TENT4A: variants seen among roughly 807,000 people sequenced by gnomAD.
TENT4A encodes terminal nucleotidyltransferase 4A, also known as DNA polymerase kappa.
In TENT4A, 7 loss-of-function variants were observed where a neutral mutation model predicts 72.8. That is an observed-to-expected ratio of 0.10 (90% CI 0.05 to 0.18). The LOEUF is 0.18. TENT4A is among the 10% of genes least tolerant of loss of function. The pLI is 1.00. For missense variants in TENT4A, 831 were observed against 1,017.7 expected (o/e 0.82, Z 2.50); for synonymous variants, 456 against 434.3 (o/e 1.05, Z -0.62).
rs1251975495 is a variant in TENT4A at position 6,756,755 on chromosome 5, A to G, written c.*1810A>G. On this transcript the variant is annotated 3_prime_UTR_variant, in exon 13 of 13. Coordinates refer to ENST00000230859, the MANE Select transcript of TENT4A (RefSeq NM_006999.6). ...CTGTACTAATCTCTACGCATTAGCA[A>G]TATTGACTGTAAACCCACATTAAGG... 1.3e-5 allele frequency: 2 copies of G among 152,794 alleles called. No homozygotes were observed. Among genetic ancestry groups the G allele is most frequent in the East Asian group, 3.9e-4 (2 of 5,192 alleles). The allele number at this position is 152,794 out of a possible 1,614,324, so 9.5% of individuals were successfully genotyped here. A position where few individuals can be genotyped will look rare whatever the true frequency, so the allele number is the denominator to read the frequency against.
intron 1 of TENT4A, among the ~76,000 whole-genome samples, chr5:6,731,022 G>A (rs906605952): frequency 1.3e-5 from 2 of 152,198 alleles, no homozygotes; most frequent in African/African-American, 4.8e-5. Context: ...GACCCTATCA[G>A]TGCGATGTAG....
At chr5:6,716,522 G>A (rs1740396732) in intron 1 of TENT4A, among the ~76,000 whole-genome samples, 1 of 152,214 alleles carries the variant, frequency 6.6e-6, no homozygotes, top group Admixed American at 6.5e-5. Context: ...TGCCTTTGAT[G>A]CACTCTGGTC....
chr5:6,738,829 C>G, intron 3 of TENT4A, 100 bp downstream of exon 3: 1 of 853,654 alleles, frequency 1.2e-6, no homozygotes, highest in South Asian at 1.5e-5. Context: ...GAGTCTAAGG[C>G]GAGAAATGCC....
intron 1 of TENT4A, among the ~76,000 whole-genome samples, chr5:6,724,517 A>G (rs1202740435): frequency 6.6e-6 from 1 of 152,092 alleles, no homozygotes; most frequent in Admixed American, 6.5e-5. Context: ...CTCACAAGAG[A>G]CTGATGTTCA....
chr5:6,713,920 C>T lies in TENT4A; in HGVS notation c.-64C>T. 3 of 687,178 alleles carry T rather than the reference C, an allele frequency of 4.4e-6. No individual in the cohort carries two copies. The highest frequency in any genetic ancestry group is 3.6e-6 in the Non-Finnish European group (2 of 561,128). The allele number at this position is 687,178 out of a possible 1,614,324, so 42.6% of individuals were successfully genotyped here. On this transcript the variant is annotated 5_prime_UTR_variant, in exon 1 of 13. Transcript: ENST00000230859. ...GTGCGCGCGCGGCCGGGCCTCGGGG[C>T]GCGGCGGGGGCGGGGCCGCGTCGGG...
intron 7 of TENT4A, 42 bp downstream of exon 7, chr5:6,746,469 C>T: frequency 6.3e-7 from 1 of 1,586,560 alleles, no homozygotes; most frequent in Non-Finnish European, 8.6e-7. Flanking sequence ...CTGGGCCAGC[C>T]TCGGGGACGT....
intron 4 of TENT4A, 98 bp downstream of exon 4, chr5:6,739,950 C>A: frequency 8.4e-7 from 1 of 1,189,730 alleles, no homozygotes; most frequent in Non-Finnish European, 1.2e-6. Context: ...TGGTATTTTA[C>A]ACAGTTATTG....
intron 7 of TENT4A, among the ~76,000 whole-genome samples, chr5:6,746,993 T>C (rs1742140954): frequency 6.6e-6 from 1 of 152,228 alleles, no homozygotes; most frequent in Non-Finnish European, 1.5e-5. Flanking sequence ...CCCATTGGCG[T>C]ATTCAGGGGT....
At position 6,713,960 on chromosome 5, in the gene TENT4A, G is replaced by C. The variant is rs1299277229; in HGVS notation, c.-24G>C. The C allele has an allele frequency of 1.1e-6, 1 of 947,798 alleles. No homozygotes were observed. Among genetic ancestry groups the C allele is most frequent in the African/African-American group, 1.8e-5 (1 of 55,826 alleles). The allele number at this position is 947,798 out of a possible 1,614,324, so 58.7% of individuals were successfully genotyped here. The stretch of plus-strand genomic sequence containing the variant: ...GCCGCGTCGGGGCGGGCGGGCGCGC[G>C]GGCCCCGCGGGGGCGGCGCGTGGAT... On this transcript the variant is annotated 5_prime_UTR_variant, in exon 1 of 13. Coordinates refer to ENST00000230859, the MANE Select transcript of TENT4A (RefSeq NM_006999.6).
chr5:6,717,556 G>A (rs1157327109), intron 1 of TENT4A, among the ~76,000 whole-genome samples: 1 of 152,250 alleles, frequency 6.6e-6, no homozygotes, highest in East Asian at 1.9e-4. Context: ...AGAAAAAGCA[G>A]GTGAAAGAGG....
intron 11 of TENT4A, 106 bp downstream of exon 11, chr5:6,751,303 CT>C: frequency 8.2e-7 from 1 of 1,213,858 alleles, no homozygotes; most frequent in South Asian, 1.3e-5. Context: ...AGAAGAGTAA[CT>C]TTTTGAGTAT....
chr5:6,747,209 G>A (rs1253781057), intron 7 of TENT4A, among the ~76,000 whole-genome samples: 1 of 152,168 alleles, frequency 6.6e-6, no homozygotes, highest in African/African-American at 2.4e-5. Flanking sequence ...TGGCGGACGG[G>A]TGACAGAACA....
chr5:6,748,277 A>G (rs1270189236), intron 7 of TENT4A, among the ~76,000 whole-genome samples, 187 bp from the exon 8 acceptor site: 1 of 152,208 alleles, frequency 6.6e-6, no homozygotes, highest in Non-Finnish European at 1.5e-5. Context: ...ATGGTGATTG[A>G]CAGGGCCTTT....
chr5:6,725,337 A>G (rs946471181), intron 1 of TENT4A, among the ~76,000 whole-genome samples: 3 of 152,216 alleles, frequency 2.0e-5, no homozygotes, highest in Non-Finnish European at 4.4e-5. Flanking sequence ...AGAAAAAAAA[A>G]AGAAAACAAT....
chr5:6,733,278 G>A (rs1463295608), intron 1 of TENT4A, among the ~76,000 whole-genome samples: 1 of 152,246 alleles, frequency 6.6e-6, no homozygotes, highest in African/African-American at 2.4e-5. Context: ...AGGCTGCAGG[G>A]GAGGATGGTC....
At chr5:6,730,014 C>G (rs1333388625) in intron 1 of TENT4A, among the ~76,000 whole-genome samples, 1 of 152,086 alleles carries the variant, frequency 6.6e-6, no homozygotes, top group East Asian at 1.9e-4. Context: ...TTTTCTGTAG[C>G]TTAATTATTA....
At position 6,752,963 on chromosome 5, in the gene TENT4A, G is replaced by A. The variant is rs545618711; in HGVS notation, c.2110G>A (p.Val704Ile). ...GVEGTASLKA[V>I]HHMSSPAIPS... ...AGAAGGAACTGCGTCTTTGAAAGCCGTCCACCACATGTCTTCCCCGGCCAT... is the reference window on the plus strand; with the variant it reads ...AGAAGGAACTGCGTCTTTGAAAGCCATCCACCACATGTCTTCCCCGGCCAT... The change falls in exon 12 of 13, where the codon GTC becomes ATC. Residue 704 changes from valine (V) to isoleucine (I), a missense_variant. Physicochemically the swap from Val to Ile is conservative, Grantham distance 29. Transcript: ENST00000230859. The A allele has an allele frequency of 1.0e-4, 165 of 1,614,084 alleles. No individual in the cohort carries two copies. The South Asian group carries it at 1.5e-3, about 15-fold the overall frequency.
chr5:6,734,038 T>C (rs1237056125), intron 1 of TENT4A, among the ~76,000 whole-genome samples: 1 of 152,246 alleles, frequency 6.6e-6, no homozygotes, highest in Non-Finnish European at 1.5e-5. Context: ...ACATCAGCAA[T>C]GACAAGGTCA....
intron 1 of TENT4A, among the ~76,000 whole-genome samples, chr5:6,727,606 CT>C (rs943118978): frequency 6.6e-6 from 1 of 152,210 alleles, no homozygotes; most frequent in Non-Finnish European, 1.5e-5. Context: ...GTCCCCTTGT[CT>C]TTCCGTAACT....
Sources: allele counts gnomAD v4.1 joint callset (sites outside exome capture counted in the v4.1 genomes callset), GRCh38; gene constraint gnomAD v4.1.1; transcripts MANE v1.5; gene names NCBI Gene and HGNC (gene_info 2026-07-23, HGNC 2026-07-21).